Variants in TRDN observed in about 807,000 individuals in gnomAD.
The protein encoded by TRDN is triadin in skeletal muscle.
TRDN carries 161 observed loss-of-function variants against 149.7 expected under a neutral mutation model. That is an observed-to-expected ratio of 1.08 (90% CI 0.95 to 1.23). TRDN has a LOEUF of 1.23. Among genes scored for constraint, TRDN ranks in the 50% most tolerant of loss-of-function variants. The probability of loss-of-function intolerance (pLI) is 0.00; values close to 1 mark genes in which losing one functional copy is unlikely to be tolerated. For synonymous variants in TRDN, 294 were observed against 250.5 expected, an observed-to-expected ratio of 1.17 and a Z score of -1.64; for missense variants, 896 against 823.5, an observed-to-expected ratio of 1.09 and a Z score of -1.08.
In TRDN at chr6:123,375,590, T is replaced by G. The variant is rs1582936707; in HGVS notation, c.1273+15A>C. Reference sequence around the variant, plus strand: ...GCCCAAATATGCTCTTCTTTAAAAATTTTGTTCAACATACTTGCTTTTACT... The same window carrying G: ...GCCCAAATATGCTCTTCTTTAAAAAGTTTGTTCAACATACTTGCTTTTACT... On this transcript the variant is annotated intron_variant, in intron 19 of 40. Transcript: ENST00000334268. 6.5e-7 allele frequency: 1 copy of G among 1,533,630 alleles called. No individual in the cohort carries two copies. Among genetic ancestry groups the G allele is most frequent in the East Asian group, 2.5e-5 (1 of 40,214 alleles).
chr6:123,299,815 G>C (rs1428348520), intron 24 of TRDN, among the ~76,000 whole-genome samples: 1 of 151,952 alleles, frequency 6.6e-6, no homozygotes, highest in Non-Finnish European at 1.5e-5. Flanking sequence ...AGCATAGTTG[G>C]ATGAGAGAAT....
chr6:123,420,255 A>G (rs1299478191), intron 12 of TRDN, among the ~76,000 whole-genome samples: 1 of 152,214 alleles, frequency 6.6e-6, no homozygotes, highest in Non-Finnish European at 1.5e-5. Context: ...AAGAAAACAA[A>G]TGACTTTCAT....
chr6:123,274,023 C>T (rs936149800), intron 27 of TRDN, among the ~76,000 whole-genome samples: 8 of 151,986 alleles, frequency 5.3e-5, no homozygotes, highest in Non-Finnish European at 8.8e-5. Context: ...AAATCAGACA[C>T]GGGGCAGACC....
intron 21 of TRDN, among the ~76,000 whole-genome samples, chr6:123,348,978 C>T (rs1780355230): frequency 1.3e-5 from 2 of 151,970 alleles, no homozygotes; most frequent in Admixed American, 1.3e-4. Context: ...TCAAATATTG[C>T]ATGGCAGAAA....
intron 9 of TRDN, among the ~76,000 whole-genome samples, chr6:123,472,140 G>T (rs138240428): frequency 1.1e-3 from 163 of 152,284 alleles, no homozygotes; most frequent in African/African-American, 3.6e-3. Context: ...CGCAGAAGAC[G>T]GGTGATTTCT....
chr6:123,267,607 G>A, intron 32 of TRDN, 100 bp downstream of exon 32: 1 of 782,114 alleles, frequency 1.3e-6, no homozygotes, highest in Non-Finnish European at 1.9e-6. Flanking sequence ...CACATTACCA[G>A]GAAACACAGT....
chr6:123,492,861 G>A (rs560322710), intron 9 of TRDN, among the ~76,000 whole-genome samples: 5 of 152,104 alleles, frequency 3.3e-5, no homozygotes, highest in Non-Finnish European at 5.9e-5. Flanking sequence ...TAAGCCCTAG[G>A]AAAAAAAGTG....
At chr6:123,271,475 A>G (rs1777205144) in intron 29 of TRDN, among the ~76,000 whole-genome samples, 1 of 151,824 alleles carries the variant, frequency 6.6e-6, no homozygotes, top group Non-Finnish European at 1.5e-5. Context: ...ATTTCAGTGT[A>G]TTTATCTGCC....
intron 13 of TRDN, 68 bp downstream of exon 13, chr6:123,393,556 C>T: frequency 6.9e-7 from 1 of 1,443,842 alleles, no homozygotes; most frequent in Non-Finnish European, 9.4e-7. Context: ...ACAGCTTTTG[C>T]TTTTGTCAAT....
intron 10 of TRDN, among the ~76,000 whole-genome samples, chr6:123,444,488 T>G (rs1164470549): frequency 6.6e-6 from 1 of 150,830 alleles, no homozygotes; most frequent in African/African-American, 2.5e-5. Context: ...TGACTTCCTC[T>G]TTTCCTAATT....
chr6:123,238,052 G>A (rs1172788860), intron 38 of TRDN, among the ~76,000 whole-genome samples: 2 of 152,104 alleles, frequency 1.3e-5, no homozygotes, highest in Non-Finnish European at 2.9e-5. Context: ...AAAATAAAAG[G>A]CTTTCGGGAA....
intron 1 of TRDN, among the ~76,000 whole-genome samples, chr6:123,636,299 TATC>T (rs1365994640): frequency 1.3e-5 from 2 of 151,984 alleles, no homozygotes; most frequent in African/African-American, 4.8e-5. Context: ...CATTTAAAAA[TATC>T]ATAAAGCAGA....
At chr6:123,360,954 C>A (rs554765537) in intron 20 of TRDN, among the ~76,000 whole-genome samples, 2 of 152,226 alleles carry the variant, frequency 1.3e-5, no homozygotes, top group South Asian at 4.1e-4. Flanking sequence ...TGGATATGTG[C>A]CACATTTTCT....
intron 12 of TRDN, among the ~76,000 whole-genome samples, chr6:123,428,880 C>CT (rs1364708225): frequency 5.3e-5 from 8 of 152,148 alleles, no homozygotes; most frequent in Admixed American, 4.6e-4. Context: ...GTCTATTACA[C>CT]TGATCTATGT....
At chr6:123,618,161 C>T (rs996169548) in intron 1 of TRDN, among the ~76,000 whole-genome samples, 3 of 152,148 alleles carry the variant, frequency 2.0e-5, no homozygotes, top group Non-Finnish European at 4.4e-5. Context: ...TTTTCTACTG[C>T]ACCATAACAT....
Position 123,548,539 on chromosome 6 carries a change from C to A in TRDN, c.306G>T (p.Trp102Cys). ...ATAACAAAGAAAAGAAGCCATAGAT[C>A]CAGTCCGTGGTTTCCTCCATAGCAT... ...VRDAMEETTD[W>C]IYGFFSLLSD... is the part of the protein sequence containing the mutation. The change falls in exon 3 of 41, where the codon TGG (tryptophan) becomes TGT (cysteine). Residue 102 changes from tryptophan to cysteine, a missense_variant. By Grantham distance (215) the Trp-to-Cys change is radical. Transcript: ENST00000334268. 1.3e-6 allele frequency: 2 copies of A among 1,576,488 alleles called. No individual in the cohort carries two copies. The highest frequency in any genetic ancestry group is 1.7e-6 in the Non-Finnish European group (2 of 1,159,662).
intron 9 of TRDN, among the ~76,000 whole-genome samples, chr6:123,473,883 C>CA (rs1037326562): frequency 8.6e-5 from 13 of 152,036 alleles, no homozygotes; most frequent in African/African-American, 3.1e-4. Flanking sequence ...ACTTTACAGA[C>CA]AAGCAGATGC....
At chr6:123,524,360 C>G (rs909517808) in intron 5 of TRDN, among the ~76,000 whole-genome samples, 1 of 147,666 alleles carries the variant, frequency 6.8e-6, no homozygotes, top group Non-Finnish European at 1.5e-5. Flanking sequence ...ATACTTTCAG[C>G]CTTTTCAAAT....
At chr6:123,513,479 G>GA (rs1407076243) in intron 6 of TRDN, among the ~76,000 whole-genome samples, 7 of 151,042 alleles carry the variant, frequency 4.6e-5, no homozygotes, top group Non-Finnish European at 8.8e-5. Flanking sequence ...GTAAAGTTTG[G>GA]AAAAAAAATC....
Sources: gnomAD v4.1 joint callset for allele counts (sites outside exome capture counted in the v4.1 genomes callset) on GRCh38, gnomAD v4.1.1 for gene constraint, MANE v1.5 for transcripts, NCBI Gene and HGNC (gene_info 2026-07-23, HGNC 2026-07-21) for gene names.